The following LAMA2 variants were observed in gnomAD, a reference collection of about 807,000 sequenced individuals.
The protein encoded by LAMA2 is laminin subunit alpha 2.
LAMA2 carries 269 observed loss-of-function variants against 364.8 expected under a neutral mutation model. The ratio of observed to expected loss-of-function variants is 0.74; its 90% CI spans 0.67 to 0.82. The LOEUF (loss-of-function observed/expected upper bound fraction) is 0.82, where lower values mean the gene tolerates loss of function less well. Ranked by LOEUF, LAMA2 falls within the 40% of genes least tolerant of loss-of-function variation. LAMA2 has a pLI of 0.00. For synonymous variants in LAMA2, 1,379 were observed against 1,370.6 expected (o/e 1.01, Z -0.14); for missense variants, 3,807 against 3,873.2 (o/e 0.98, Z 0.45).
At chr6:129,217,982 A>G (rs1307476874) in intron 12 of LAMA2, among the ~76,000 whole-genome samples, 1 of 152,202 alleles carries the variant, frequency 6.6e-6, no homozygotes, top group Non-Finnish European at 1.5e-5. Flanking sequence ...TTTAAAAAAA[A>G]TTCAAATACA....
chr6:129,474,720 AT>A (rs1456363025), intron 52 of LAMA2, among the ~76,000 whole-genome samples: 2 of 152,180 alleles, frequency 1.3e-5, no homozygotes, highest in Non-Finnish European at 2.9e-5. Flanking sequence ...TCATAAAATA[AT>A]TTTTAGGAAT....
At chr6:129,137,141 T>G (rs1777841686) in intron 4 of LAMA2, among the ~76,000 whole-genome samples, 2 of 152,124 alleles carry the variant, frequency 1.3e-5, no homozygotes, top group South Asian at 4.1e-4. Context: ...AAGAAGGTTG[T>G]GCACAGTTCT....
chr6:129,399,475 C>T (rs766284385), intron 37 of LAMA2, among the ~76,000 whole-genome samples: 7 of 152,162 alleles, frequency 4.6e-5, no homozygotes, highest in Admixed American at 1.3e-4. Context: ...TAGGGAGGGA[C>T]TAAACATTTT....
chr6:129,316,322 G>A (rs1774605314), intron 27 of LAMA2, 151 bp downstream of exon 27: 4 of 668,400 alleles, frequency 6.0e-6, no homozygotes, highest in Non-Finnish European at 7.7e-6. Context: ...CTGTGACCTG[G>A]AAGAAGCTAC....
At chr6:128,948,839 C>A (rs1265536531) in intron 1 of LAMA2, among the ~76,000 whole-genome samples, 1 of 152,166 alleles carries the variant, frequency 6.6e-6, no homozygotes, top group Non-Finnish European at 1.5e-5. Context: ...TCTGCCATGA[C>A]TGGAAGCTTC....
Position 129,300,865 on chromosome 6 carries a change from G to C in LAMA2, c.3167G>C (p.Gly1056Ala). 6.2e-7 allele frequency: 1 copy of C among 1,613,724 alleles called. No homozygotes were observed. The highest frequency in any genetic ancestry group is 8.5e-7 in the Non-Finnish European group (1 of 1,179,676). Residue 1056 changes from glycine (G) to alanine (A), a missense_variant, in exon 22 of 65, where the codon GGT (glycine) becomes GCT (alanine). Transcript: ENST00000421865. ...ACCTGGGGCCACAGCATTACCACTG[G>C]TTGTAAGGTGAGTGAACCACTTTTT... is the stretch of plus-strand genomic sequence containing the variant. ...PNTWGHSITTGCKACNCSTVG... is the reference protein window; with the variant it reads ...PNTWGHSITTACKACNCSTVG...
chr6:129,233,626 G>A (rs1784807290), intron 12 of LAMA2, among the ~76,000 whole-genome samples: 1 of 152,120 alleles, frequency 6.6e-6, no homozygotes. Flanking sequence ...GGAAGAAGAG[G>A]AGGGGTTGGT....
chr6:129,498,349 T>C (rs555863702), intron 58 of LAMA2, among the ~76,000 whole-genome samples: 2 of 152,212 alleles, frequency 1.3e-5, no homozygotes, highest in Non-Finnish European at 2.9e-5. Flanking sequence ...CTTTAAGACC[T>C]AAGTACAGTC....
At chr6:129,195,059 A>G (rs967135744) in intron 12 of LAMA2, among the ~76,000 whole-genome samples, 1 of 152,198 alleles carries the variant, frequency 6.6e-6, no homozygotes, top group African/African-American at 2.4e-5. Context: ...ATTTACATCC[A>G]TGACCAGGAG....
intron 3 of LAMA2, among the ~76,000 whole-genome samples, chr6:129,079,024 TCA>T (rs1773851770): frequency 6.6e-6 from 1 of 152,192 alleles, no homozygotes; most frequent in Non-Finnish European, 1.5e-5. Context: ...ATAAGTAGAC[TCA>T]CACACACGTA....
intron 4 of LAMA2, among the ~76,000 whole-genome samples, chr6:129,143,691 T>C (rs1778257802): frequency 6.6e-6 from 1 of 151,994 alleles, no homozygotes; most frequent in African/African-American, 2.4e-5. Context: ...ATGCCTATGA[T>C]ATAAACAAAC....
chr6:129,138,908 G>A (rs916812467), intron 4 of LAMA2, among the ~76,000 whole-genome samples: 18 of 152,110 alleles, frequency 1.2e-4, no homozygotes, highest in South Asian at 1.0e-3. Flanking sequence ...AAGGATTAAA[G>A]TTGGCACTGA....
chr6:129,348,594 C>G (rs185383414), intron 30 of LAMA2, among the ~76,000 whole-genome samples: 109 of 151,684 alleles, frequency 7.2e-4, no homozygotes, highest in African/African-American at 2.6e-3. Flanking sequence ...AATCCAGGAG[C>G]AAGACAGACT....
intron 1 of LAMA2, chr6:128,928,883 G>A: frequency 2.9e-6 from 2 of 678,208 alleles, no homozygotes; most frequent in Non-Finnish European, 5.3e-6. Flanking sequence ...AGAGAATAGT[G>A]TTTGATGGCC....
At chr6:129,436,803 G>A (rs1319168107) in intron 41 of LAMA2, 6 of 151,910 alleles carry the variant, frequency 3.9e-5, no homozygotes, top group Non-Finnish European at 5.9e-5. Flanking sequence ...TGCTTTTTAC[G>A]AATTTCATAA....
At chr6:129,328,464 C>T in intron 29 of LAMA2, 52 bp downstream of exon 29, 2 of 1,613,612 alleles carry the variant, frequency 1.2e-6, no homozygotes, top group Non-Finnish European at 1.7e-6. Flanking sequence ...TTCCTCTTTA[C>T]ACATGCTCAG....
intron 23 of LAMA2, among the ~76,000 whole-genome samples, chr6:129,314,397 T>TC (rs1774432036): frequency 1.1e-4 from 2 of 17,828 alleles, no homozygotes; most frequent in Non-Finnish European, 2.3e-4. Flanking sequence ...AGACTCCGTC[T>TC]CAAAAAAAAA....
intron 44 of LAMA2, among the ~76,000 whole-genome samples, chr6:129,445,133 G>A (rs1388724845): frequency 6.6e-6 from 1 of 152,116 alleles, no homozygotes; most frequent in East Asian, 1.9e-4. Context: ...TTAAATGTAG[G>A]CCTTTAGTCT....
chr6:128,960,377 C>T (rs1329871808), intron 1 of LAMA2, among the ~76,000 whole-genome samples: 1 of 145,052 alleles, frequency 6.9e-6, no homozygotes, highest in African/African-American at 2.6e-5. Flanking sequence ...TCGCTCTTGT[C>T]CCCCAGGCTG....
Sources: allele counts gnomAD v4.1 joint callset (sites outside exome capture counted in the v4.1 genomes callset), GRCh38; gene constraint gnomAD v4.1.1; transcripts MANE v1.5; gene names NCBI Gene and HGNC (gene_info 2026-07-23, HGNC 2026-07-21).